GRM8: variants seen among roughly 807,000 people sequenced by gnomAD.
The protein encoded by GRM8 is metabotropic glutamate receptor 8.
Under a neutral mutation model 87.2 loss-of-function variants are expected in GRM8, and 47 were observed. The ratio of observed to expected loss-of-function variants is 0.54; its 90% CI spans 0.43 to 0.69. GRM8 has a LOEUF of 0.69. GRM8 is among the 30% of genes least tolerant of loss of function. The pLI is 0.00. For synonymous variants in GRM8, 396 were observed against 404.5 expected (o/e 0.98, Z 0.25); for missense variants, 1,019 against 1,139.2 (o/e 0.89, Z 1.52).
intron 8 of GRM8, among the ~76,000 whole-genome samples, chr7:126,571,844 G>A (rs184936354): frequency 4.4e-4 from 67 of 151,472 alleles, no homozygotes; most frequent in African/African-American, 1.5e-3. Flanking sequence ...GGGTAAAAGT[G>A]ATACTCCTGC....
At chr7:126,805,160 A>C (rs922980331) in intron 6 of GRM8, among the ~76,000 whole-genome samples, 5 of 152,126 alleles carry the variant, frequency 3.3e-5, no homozygotes, top group Non-Finnish European at 5.9e-5. Context: ...AAAGGTCAGG[A>C]CTTGACCTTC....
At chr7:127,045,440 C>A (rs1818835947) in intron 3 of GRM8, among the ~76,000 whole-genome samples, 1 of 152,066 alleles carries the variant, frequency 6.6e-6, no homozygotes, top group South Asian at 2.1e-4. Context: ...TAACTCCAGG[C>A]AGTCTAATCC....
chr7:126,888,791 T>C (rs558575800), intron 6 of GRM8, among the ~76,000 whole-genome samples: 1 of 152,132 alleles, frequency 6.6e-6, no homozygotes, highest in South Asian at 2.1e-4. Flanking sequence ...AAAGCTTTGT[T>C]GTGCATGAAC....
intron 8 of GRM8, among the ~76,000 whole-genome samples, chr7:126,606,041 CT>C (rs1315955301): frequency 1.3e-5 from 2 of 152,196 alleles, no homozygotes; most frequent in Non-Finnish European, 2.9e-5. Context: ...CAAAAAATAA[CT>C]GCCTAGGTGA....
At chr7:126,902,466 A>G in intron 6 of GRM8, 76 bp downstream of exon 6, 2 of 1,228,606 alleles carry the variant, frequency 1.6e-6, no homozygotes, top group East Asian at 4.9e-5. Context: ...ATCCATATAG[A>G]AAAACGTAAT....
chr7:126,740,182 A>T (rs1477874132), intron 7 of GRM8, among the ~76,000 whole-genome samples: 1 of 152,112 alleles, frequency 6.6e-6, no homozygotes, highest in Non-Finnish European at 1.5e-5. Flanking sequence ...TGATAAAAGC[A>T]ACCAGTCACA....
At chr7:126,882,549 A>C (rs75816839) in intron 6 of GRM8, among the ~76,000 whole-genome samples, 7 of 152,232 alleles carry the variant, frequency 4.6e-5, no homozygotes, top group Non-Finnish European at 7.3e-5. Flanking sequence ...GCTAAAAAAA[A>C]CTTAAAAGCT....
rs1801141513 is a variant in GRM8, at chr7:126,438,942, T to C, written c.*177A>G. The C allele has an allele frequency of 7.1e-6, 4 of 562,436 alleles. No homozygotes were observed. Among genetic ancestry groups the C allele is most frequent in the Middle Eastern group, 3.7e-4 (1 of 2,680 alleles). The allele number at this position is 562,436 out of a possible 1,614,324, so 34.8% of individuals were successfully genotyped here. A position where few individuals can be genotyped will look rare whatever the true frequency, so the allele number is the denominator to read the frequency against. On this transcript the variant is annotated 3_prime_UTR_variant, in exon 11 of 11. Transcript: ENST00000339582. Reference sequence around the variant, plus strand: ...GGTTTTATTGTATAAAACGGGTTTCTTCACTCCCCGTTTATTGATACTTTT... The same window carrying C: ...GGTTTTATTGTATAAAACGGGTTTCCTCACTCCCCGTTTATTGATACTTTT...
intron 2 of GRM8, among the ~76,000 whole-genome samples, chr7:127,234,194 CA>C (rs1797855321): frequency 1.3e-5 from 2 of 152,172 alleles, no homozygotes; most frequent in African/African-American, 4.8e-5. Context: ...GTAGCTGAGA[CA>C]AATCATAGCC....
chr7:126,833,280 A>G (rs1415540839), intron 6 of GRM8, among the ~76,000 whole-genome samples: 3 of 152,184 alleles, frequency 2.0e-5, no homozygotes, highest in Non-Finnish European at 2.9e-5. Flanking sequence ...AGAAAAATTT[A>G]GACAACTATT....
At chr7:126,778,484 TA>T (rs72121048) in intron 6 of GRM8, among the ~76,000 whole-genome samples, 1,737 of 152,282 alleles carry the variant, frequency 0.011, 38 homozygotes, top group African/African-American at 0.04. Context: ...ACAACCAGTT[TA>T]AAAGAAAGAC....
rs548276110 is a variant in GRM8 at position 127,218,408 on chromosome 7, T to A, written c.510+24287A>T. Reference sequence around the variant, plus strand: ...TTAAGAGCCTCATTCAGCTCTAGCATCGGACTTGATGAGTTCAAATCCCAG... The same window carrying A: ...TTAAGAGCCTCATTCAGCTCTAGCAACGGACTTGATGAGTTCAAATCCCAG... On this transcript the variant is annotated intron_variant, in intron 2 of 10. Transcript: ENST00000339582. 5.3e-4 allele frequency among the ~76,000 whole-genome samples: 80 copies of A among 152,362 alleles called. 1 individual carries two copies. The highest frequency in any genetic ancestry group is 1.8e-3 in the African/African-American group (74 of 41,590).
At chr7:126,923,686 A>G (rs1452802980) in intron 3 of GRM8, among the ~76,000 whole-genome samples, 1 of 152,146 alleles carries the variant, frequency 6.6e-6, no homozygotes, top group Non-Finnish European at 1.5e-5. Context: ...GTACCTTGGC[A>G]GAGTTTAGTG....
chr7:127,113,483 C>G (rs1268677147), intron 2 of GRM8, among the ~76,000 whole-genome samples: 3 of 150,990 alleles, frequency 2.0e-5, no homozygotes, highest in Non-Finnish European at 4.4e-5. Flanking sequence ...TGTTTTTTTC[C>G]CCCCTGCCAA....
chr7:126,939,370 C>A (rs1806661695), intron 3 of GRM8, among the ~76,000 whole-genome samples: 1 of 152,124 alleles, frequency 6.6e-6, no homozygotes, highest in Non-Finnish European at 1.5e-5. Context: ...AATTATCACT[C>A]CCTAATTGAC....
At chr7:126,998,476 T>A (rs377645539) in intron 3 of GRM8, among the ~76,000 whole-genome samples, 2 of 151,768 alleles carry the variant, frequency 1.3e-5, no homozygotes, top group African/African-American at 4.8e-5. Context: ...AAGGAAAAAA[T>A]CAAATTGTCC....
intron 3 of GRM8, among the ~76,000 whole-genome samples, chr7:126,966,239 A>C (rs1352580309): frequency 6.6e-6 from 1 of 152,090 alleles, no homozygotes; most frequent in African/African-American, 2.4e-5. Context: ...GGTTCAAGCC[A>C]TCCTCCCACC....
intron 8 of GRM8, among the ~76,000 whole-genome samples, chr7:126,570,277 C>T (rs568716667): frequency 2.6e-5 from 4 of 152,278 alleles, no homozygotes; most frequent in Admixed American, 2.6e-4. Flanking sequence ...TTCACCTGTA[C>T]TTCCCCACTG....
chr7:126,728,783 G>T (rs1463143130), intron 7 of GRM8, among the ~76,000 whole-genome samples: 1 of 152,112 alleles, frequency 6.6e-6, no homozygotes, highest in Non-Finnish European at 1.5e-5. Context: ...TCCAGGGGAG[G>T]CTTCCTGCTG....
Sources: gnomAD v4.1 joint callset for allele counts (sites outside exome capture counted in the v4.1 genomes callset) on GRCh38, gnomAD v4.1.1 for gene constraint, MANE v1.5 for transcripts, NCBI Gene and HGNC (gene_info 2026-07-23, HGNC 2026-07-21) for gene names.